Variants in MYOM1 observed in about 807,000 individuals in gnomAD.
MYOM1 encodes the protein myomesin 1, also known as myomesin-1.
MYOM1 carries 164 observed loss-of-function variants against 205.3 expected under a neutral mutation model. The observed-to-expected ratio is 0.80, with a 90% CI of 0.70 to 0.91. MYOM1 has a LOEUF of 0.91. Ranked by LOEUF, MYOM1 falls within the 40% of genes least tolerant of loss-of-function variation. The pLI is 0.00. For synonymous variants in MYOM1, 772 were observed against 789.4 expected (o/e 0.98, Z 0.37); for missense variants, 2,011 against 2,127.3 (o/e 0.95, Z 1.08).
intron 19 of MYOM1, among the ~76,000 whole-genome samples, chr18:3,123,834 T>TG (rs1306072471): frequency 6.6e-6 from 1 of 151,122 alleles, no homozygotes; most frequent in Non-Finnish European, 1.5e-5. Flanking sequence ...TTTATTTATT[T>TG]TTTTTGAGAC....
rs192446246 is a variant in MYOM1 at position 3,111,353 on chromosome 18, G to A, written c.3418+945C>T. Among the ~76,000 whole-genome samples, 105 of 152,088 alleles carry A rather than the reference G, an allele frequency of 6.9e-4. No individual in the cohort carries two copies. The East Asian group carries it at 0.016, about 23-fold the overall frequency. On this transcript the variant is annotated intron_variant, in intron 22 of 37. Transcript: ENST00000356443. ...ATTATGTAATGATCTGAAACTCGTT[G>A]GACAATGAACACAGTAAACTCTGTT...
the MYOM1 span, among the ~76,000 whole-genome samples, chr18:3,230,740 G>A: frequency 6.6e-6 from 1 of 152,206 alleles, no homozygotes; most frequent in Non-Finnish European, 1.5e-5. Flanking sequence ...GGAAAATTCC[G>A]TAACTGGGCT....
the MYOM1 span, among the ~76,000 whole-genome samples, chr18:3,239,426 T>C: frequency 2.6e-5 from 4 of 151,920 alleles, no homozygotes; most frequent in Non-Finnish European, 5.9e-5. Context: ...GTTAGAGGTG[T>C]GAAGAGACAA....
intron 10 of MYOM1, among the ~76,000 whole-genome samples, chr18:3,161,734 T>C (rs1023204809): frequency 6.6e-6 from 1 of 152,260 alleles, no homozygotes; most frequent in Admixed American, 6.5e-5. Context: ...AAATCCTGGG[T>C]TAGCCACTGG....
intron 2 of MYOM1, among the ~76,000 whole-genome samples, chr18:3,213,251 C>G (rs2081213091): frequency 6.6e-6 from 1 of 152,170 alleles, no homozygotes; most frequent in South Asian, 2.1e-4. Flanking sequence ...TCTAGTTGCC[C>G]TACCAGATAT....
chr18:3,131,570 T>C (rs2079876346), intron 16 of MYOM1, 74 bp from the exon 17 acceptor site: 4 of 1,308,088 alleles, frequency 3.1e-6, no homozygotes, highest in Non-Finnish European at 4.3e-6. Context: ...CTTAATGGAG[T>C]GGATCTGGCT....
chr18:3,124,462 G>A (rs958575114), intron 19 of MYOM1, among the ~76,000 whole-genome samples: 5 of 151,154 alleles, frequency 3.3e-5, no homozygotes, highest in South Asian at 4.2e-4. Flanking sequence ...TGGGACTCCC[G>A]AGGAGCTGAG....
chr18:3,158,387 C>T (rs1185464807), intron 10 of MYOM1, among the ~76,000 whole-genome samples: 3 of 152,072 alleles, frequency 2.0e-5, no homozygotes, highest in Non-Finnish European at 4.4e-5. Flanking sequence ...TTCCAATTTT[C>T]CCCCAAACAT....
At chr18:3,069,164 G>A (rs2078932500) in intron 37 of MYOM1, among the ~76,000 whole-genome samples, 1 of 152,108 alleles carries the variant, frequency 6.6e-6, no homozygotes, top group African/African-American at 2.4e-5. Context: ...GAATATACAA[G>A]TGATTCGGTT....
At chr18:3,175,356 G>A (rs904353886) in intron 6 of MYOM1, among the ~76,000 whole-genome samples, 8 of 152,100 alleles carry the variant, frequency 5.3e-5, no homozygotes, top group African/African-American at 1.9e-4. Context: ...TGAAAATTCT[G>A]GGAACTTGTT....
At chr18:3,154,432 A>C (rs759999830) in intron 11 of MYOM1, among the ~76,000 whole-genome samples, 5 of 152,022 alleles carry the variant, frequency 3.3e-5, no homozygotes, top group Non-Finnish European at 7.4e-5. Context: ...CATCTTGGAA[A>C]TGAAATATAT....
At chr18:3,168,709 G>T in intron 9 of MYOM1, 108 bp downstream of exon 9, 2 of 1,097,862 alleles carry the variant, frequency 1.8e-6, no homozygotes, top group Non-Finnish European at 1.3e-6. Context: ...TCGTGTAAAG[G>T]TAGTCCCTTC....
intron 36 of MYOM1, among the ~76,000 whole-genome samples, chr18:3,072,494 C>T (rs8098927): frequency 0.32 from 47,856 of 150,880 alleles, 7,744 homozygotes; most frequent in African/African-American, 0.37. Context: ...TCTGGAATTA[C>T]AGGCCTGTAC....
At chr18:3,205,530 A>G (rs2081114893) in intron 2 of MYOM1, among the ~76,000 whole-genome samples, 1 of 152,178 alleles carries the variant, frequency 6.6e-6, no homozygotes, top group Non-Finnish European at 1.5e-5. Flanking sequence ...TATTACACAC[A>G]CATTATAATG....
intron 13 of MYOM1, among the ~76,000 whole-genome samples, chr18:3,146,844 C>A (rs2080129915): frequency 1.3e-5 from 2 of 151,592 alleles, no homozygotes; most frequent in Admixed American, 1.3e-4. Flanking sequence ...TTATAGATGG[C>A]ATAATCCTGT....
At chr18:3,241,084 A>T in the MYOM1 span, among the ~76,000 whole-genome samples, 1 of 152,236 alleles carries the variant, frequency 6.6e-6, no homozygotes, top group Non-Finnish European at 1.5e-5. Context: ...AGAGCATGAA[A>T]GTCTGGAAAA....
intron 2 of MYOM1, among the ~76,000 whole-genome samples, chr18:3,206,965 T>C (rs985805037): frequency 1.1e-4 from 17 of 152,170 alleles, no homozygotes; most frequent in Non-Finnish European, 2.5e-4. Context: ...ATCTCTTCTC[T>C]TCATTTTACT....
chr18:3,092,779 C>T (rs762310260), intron 26 of MYOM1, among the ~76,000 whole-genome samples: 3 of 152,178 alleles, frequency 2.0e-5, no homozygotes, highest in Admixed American at 6.6e-5. Context: ...TAGCATCCCC[C>T]CATCCTATCC....
the MYOM1 span, among the ~76,000 whole-genome samples, chr18:3,244,169 G>A: frequency 1.3e-5 from 2 of 152,028 alleles, no homozygotes; most frequent in East Asian, 1.9e-4. Flanking sequence ...TATCTGTCCC[G>A]TTTGTGAAAA....
Sources: gnomAD v4.1 joint callset for allele counts (sites outside exome capture counted in the v4.1 genomes callset) on GRCh38, gnomAD v4.1.1 for gene constraint, MANE v1.5 for transcripts, NCBI Gene and HGNC (gene_info 2026-07-23, HGNC 2026-07-21) for gene names.